Variants in ME3 observed in about 807,000 individuals in gnomAD.
The protein encoded by ME3 is NADP-dependent malic enzyme, mitochondrial.
A neutral mutation model predicts 68.9 loss-of-function variants in ME3; 48 were observed. The observed-to-expected ratio is 0.70, with a 90% CI of 0.55 to 0.89. The LOEUF (loss-of-function observed/expected upper bound fraction) is 0.89. ME3 is among the 40% of genes least tolerant of loss of function. The pLI is 0.00. For synonymous variants in ME3, 320 were observed against 318.8 expected (o/e 1.00, Z -0.04); for missense variants, 675 against 797.4 (o/e 0.85, Z 1.85).
At chr11:86,635,244 T>C (rs866458868) in intron 2 of ME3, among the ~76,000 whole-genome samples, 3 of 152,182 alleles carry the variant, frequency 2.0e-5, no homozygotes, top group Non-Finnish European at 4.4e-5. Context: ...ATTGGGTGAT[T>C]GGCTCTATAA....
chr11:86,582,274 G>A (rs978146446), intron 2 of ME3, among the ~76,000 whole-genome samples: 1 of 152,298 alleles, frequency 6.6e-6, no homozygotes, highest in Middle Eastern at 3.4e-3. Context: ...CTACTAATCA[G>A]TATAGTGGAT....
At chr11:86,607,934 G>A (rs1238840981) in intron 2 of ME3, among the ~76,000 whole-genome samples, 2 of 152,036 alleles carry the variant, frequency 1.3e-5, no homozygotes, top group African/African-American at 4.8e-5. Context: ...GGCATGTTGG[G>A]ACACAGATCA....
chr11:86,518,019 T>C (rs1954012544), intron 4 of ME3, among the ~76,000 whole-genome samples: 1 of 152,228 alleles, frequency 6.6e-6, no homozygotes, highest in Non-Finnish European at 1.5e-5. Context: ...ATGTGGTAAA[T>C]TCTCCAAAAG....
chr11:86,553,157 G>A (rs558964439), intron 4 of ME3, among the ~76,000 whole-genome samples: 1 of 152,338 alleles, frequency 6.6e-6, no homozygotes, highest in African/African-American at 2.4e-5. Flanking sequence ...GGCTCCACCA[G>A]AGCCCAGAAC....
intron 2 of ME3, among the ~76,000 whole-genome samples, chr11:86,611,274 A>G (rs1250235893): frequency 1.3e-5 from 2 of 152,130 alleles, no homozygotes; most frequent in Non-Finnish European, 2.9e-5. Context: ...GTCAAAGGGT[A>G]TAAATTTTTA....
At position 86,630,783 on chromosome 11, in the gene ME3, G is replaced by A. The variant is rs75521240; in HGVS notation, c.183+40979C>T. On this transcript the variant is annotated intron_variant, in intron 2 of 14. Coordinates refer to ENST00000543262, the Ensembl canonical transcript of ME3. The stretch of plus-strand genomic sequence containing the variant: ...AGTGTGAGTAGAACATTAGAAACCC[G>A]AGTCAGGACTTTCAAGGGCTGAGGC... Among the ~76,000 whole-genome samples the A allele has an allele frequency of 4.3e-3, 656 of 152,340 alleles. 24 individuals are homozygous for A. The East Asian group carries it at 0.083, about 19-fold the overall frequency.
chr11:86,565,250 G>T (rs1037573341), intron 2 of ME3, among the ~76,000 whole-genome samples: 38 of 152,124 alleles, frequency 2.5e-4, no homozygotes, highest in African/African-American at 9.2e-4. Flanking sequence ...AACATGTGGA[G>T]AAATGAAAAC....
chr11:86,606,648 T>C (rs1226068967), intron 2 of ME3, among the ~76,000 whole-genome samples: 1 of 152,214 alleles, frequency 6.6e-6, no homozygotes, highest in Non-Finnish European at 1.5e-5. Context: ...ATGGGCATAA[T>C]GGGAAAATCC....
intron 3 of ME3, 23 bp from the exon 4 acceptor site, chr11:86,556,725 A>T (rs375138385): frequency 7.4e-6 from 12 of 1,612,142 alleles, no homozygotes; most frequent in African/African-American, 1.3e-5. Flanking sequence ...GAGAAAAAGC[A>T]AGCTGACATG....
At chr11:86,644,693 A>T (rs2135398590) in intron 2 of ME3, among the ~76,000 whole-genome samples, 1 of 152,248 alleles carries the variant, frequency 6.6e-6, no homozygotes, top group Admixed American at 6.5e-5. Flanking sequence ...TCTTCTGTAG[A>T]TTCCCTGTTA....
At chr11:86,549,939 T>G (rs1956583086) in intron 4 of ME3, among the ~76,000 whole-genome samples, 2 of 152,108 alleles carry the variant, frequency 1.3e-5, no homozygotes, top group Admixed American at 1.3e-4. Flanking sequence ...TACTTCCAGG[T>G]TGGGATGGGC....
chr11:86,583,243 A>G (rs1958541041), intron 2 of ME3, among the ~76,000 whole-genome samples: 1 of 152,208 alleles, frequency 6.6e-6, no homozygotes, highest in African/African-American at 2.4e-5. Flanking sequence ...CGTGGAAAGA[A>G]AGATGATGAA....
At chr11:86,645,584 G>A (rs1469335185) in intron 2 of ME3, among the ~76,000 whole-genome samples, 4 of 152,166 alleles carry the variant, frequency 2.6e-5, no homozygotes, top group Admixed American at 1.3e-4. Flanking sequence ...CATCTCCCTG[G>A]GACAGAGCAC....
At chr11:86,532,204 C>T (rs1955301039) in intron 4 of ME3, among the ~76,000 whole-genome samples, 1 of 152,030 alleles carries the variant, frequency 6.6e-6, no homozygotes, top group African/African-American at 2.4e-5. Flanking sequence ...TGCACCTAAC[C>T]TTGGAGAACT....
chr11:86,636,333 T>TAG (rs61606251), intron 2 of ME3, among the ~76,000 whole-genome samples: 97,219 of 151,508 alleles, frequency 0.64, 32,293 homozygotes, highest in Non-Finnish European at 0.73. Context: ...GGAGCTTTTA[T>TAG]AGTCTTTAAA....
intron 4 of ME3, among the ~76,000 whole-genome samples, chr11:86,526,415 C>G (rs899008603): frequency 6.6e-6 from 1 of 152,202 alleles, no homozygotes; most frequent in African/African-American, 2.4e-5. Flanking sequence ...GGAGGCCTGC[C>G]TGCCTCTGTA....
Position 86,450,247 on chromosome 11 carries a change from A to G in ME3, c.1017+54T>C, listed in dbSNP as rs1160253147. The G allele has an allele frequency of 4.6e-6, 7 of 1,536,484 alleles. No individual in the cohort carries two copies. In the African/African-American group the frequency reaches 8.2e-5, roughly 18 times the overall value. On this transcript the variant is annotated intron_variant, in intron 9 of 14. Coordinates refer to ENST00000543262, the Ensembl canonical transcript of ME3. ...TGCCTCCCTTTTTTGGTATGCTTCCACCCATTCTTATTCTCTTCCTGGAGC... is the reference window on the plus strand; with the variant it reads ...TGCCTCCCTTTTTTGGTATGCTTCCGCCCATTCTTATTCTCTTCCTGGAGC...
intron 2 of ME3, among the ~76,000 whole-genome samples, chr11:86,568,954 T>C (rs565785114): frequency 6.6e-6 from 1 of 152,350 alleles, no homozygotes; most frequent in African/African-American, 2.4e-5. Flanking sequence ...ATACCAATCC[T>C]GGGCCTCTGC....
chr11:86,536,581 A>G (rs1274826473), intron 4 of ME3, among the ~76,000 whole-genome samples: 1 of 142,670 alleles, frequency 7.0e-6, no homozygotes, highest in Non-Finnish European at 1.5e-5. Context: ...CAAAACCACA[A>G]TGAGATACCA....
Sources: allele counts gnomAD v4.1 joint callset (sites outside exome capture counted in the v4.1 genomes callset), GRCh38; gene constraint gnomAD v4.1.1; transcripts MANE v1.5; gene names NCBI Gene and HGNC (gene_info 2026-07-23, HGNC 2026-07-21).